Variants in JARID2 observed in about 807,000 individuals in gnomAD.
JARID2 encodes protein Jumonji.
Under a neutral mutation model 125.6 loss-of-function variants are expected in JARID2, and 21 were observed. The observed-to-expected ratio is 0.17, with a 90% CI of 0.12 to 0.24. The LOEUF is 0.24. Among genes scored for constraint, JARID2 ranks in the 10% least tolerant of loss-of-function variants. The pLI is 1.00. For missense variants in JARID2, 1,303 were observed against 1,639.6 expected (o/e 0.79, Z 3.55); for synonymous variants, 736 against 661.6 (o/e 1.11, Z -1.73).
intron 6 of JARID2, among the ~76,000 whole-genome samples, chr6:15,491,958 A>AT (rs1358208353): frequency 3.3e-5 from 5 of 152,254 alleles, no homozygotes; most frequent in African/African-American, 1.2e-4. Context: ...TGCAAGAAGA[A>AT]TGAGGTATTG....
intron 1 of JARID2, among the ~76,000 whole-genome samples, chr6:15,335,640 G>C (rs115569018): frequency 6.6e-6 from 1 of 152,112 alleles, no homozygotes; most frequent in Admixed American, 6.5e-5. Flanking sequence ...AGGTGTCCCT[G>C]GGGGGTGTCT....
chr6:15,361,411 C>T (rs1232731828), intron 1 of JARID2, among the ~76,000 whole-genome samples: 2 of 152,182 alleles, frequency 1.3e-5, no homozygotes, highest in East Asian at 1.9e-4. Context: ...TTATCTCCCC[C>T]ACTTCCTCCT....
intron 1 of JARID2, among the ~76,000 whole-genome samples, chr6:15,348,229 T>C (rs1763309015): frequency 6.6e-6 from 1 of 151,846 alleles, no homozygotes; most frequent in Non-Finnish European, 1.5e-5. Flanking sequence ...ATAGCTGGGA[T>C]TACAGCCGCC....
intron 3 of JARID2, among the ~76,000 whole-genome samples, chr6:15,416,569 T>A (rs971523026): frequency 2.6e-5 from 4 of 152,108 alleles, no homozygotes; most frequent in South Asian, 2.1e-4. Flanking sequence ...GCGCCTGCAA[T>A]GGCAGGCACT....
chr6:15,394,334 G>A (rs956470049), intron 2 of JARID2, among the ~76,000 whole-genome samples: 2 of 152,156 alleles, frequency 1.3e-5, no homozygotes, highest in Non-Finnish European at 1.5e-5. Context: ...TGAGCAAGGC[G>A]AATGCAGTGG....
chr6:15,312,821 C>G (rs1762058441), intron 1 of JARID2, among the ~76,000 whole-genome samples: 1 of 152,126 alleles, frequency 6.6e-6, no homozygotes, highest in African/African-American at 2.4e-5. Flanking sequence ...ATTAAAGCAA[C>G]CTTATCTTTC....
In JARID2 at chr6:15,496,480, A is replaced by C; in HGVS notation, c.1255A>C (p.Thr419Pro). Residue 419 changes from threonine (T) to proline (P), a missense_variant, in exon 7 of 18, where the codon ACT (threonine) becomes CCT (proline). Thr to Pro is a conservative substitution (Grantham distance 38). Around this residue, in one of 11 missense-constraint regions of JARID2, gnomAD observed 651 missense variants for 581.6 expected, o/e 1.12. Coordinates refer to ENST00000341776, the MANE Select transcript of JARID2 (RefSeq NM_004973.4). ...TGGCAGGTTGAACCCAAAGTCATGC[A>C]CTAAGGAGGTGGGGGGGCGGCAGCT... ...VSGRLNPKSC[T>P]KEVGGRQLRE... 1 of 1,611,530 alleles carries C rather than the reference A, an allele frequency of 6.2e-7. No individual in the cohort carries two copies. The highest frequency in any genetic ancestry group is 8.5e-7 in the Non-Finnish European group (1 of 1,178,686).
At chr6:15,323,896 A>G (rs1253061306) in intron 1 of JARID2, among the ~76,000 whole-genome samples, 2 of 151,784 alleles carry the variant, frequency 1.3e-5, no homozygotes, top group Non-Finnish European at 2.9e-5. Flanking sequence ...TCAAAAAATA[A>G]AAAAGGCTGG....
At chr6:15,270,481 A>G (rs112436952) in intron 1 of JARID2, among the ~76,000 whole-genome samples, 18 of 152,278 alleles carry the variant, frequency 1.2e-4, no homozygotes, top group African/African-American at 4.1e-4. Context: ...TTGGTTAGGT[A>G]GCTGCAATCC....
At chr6:15,305,895 A>G (rs957204234) in intron 1 of JARID2, among the ~76,000 whole-genome samples, 10 of 152,230 alleles carry the variant, frequency 6.6e-5, no homozygotes, top group African/African-American at 9.7e-5. Context: ...TTTGTGTTAT[A>G]TGCATTATCT....
At chr6:15,510,315 G>A (rs994626157) in intron 12 of JARID2, among the ~76,000 whole-genome samples, 1 of 152,108 alleles carries the variant, frequency 6.6e-6, no homozygotes, top group East Asian at 1.9e-4. Context: ...AGCCATCCCT[G>A]CACCCCTGCC....
intron 1 of JARID2, among the ~76,000 whole-genome samples, chr6:15,285,474 G>T (rs1404971717): frequency 7.2e-5 from 11 of 152,122 alleles, no homozygotes; most frequent in African/African-American, 2.7e-4. Flanking sequence ...TACAATATGG[G>T]AAGTCAGTTA....
intron 1 of JARID2, among the ~76,000 whole-genome samples, chr6:15,336,105 A>C (rs913401250): frequency 2.0e-5 from 3 of 151,922 alleles, no homozygotes; most frequent in African/African-American, 4.8e-5. Flanking sequence ...GAATGAATGA[A>C]TGAATGAATG....
At position 15,370,042 on chromosome 6, in the gene JARID2, G is replaced by A. The variant is rs140870494; in HGVS notation, c.46-4075G>A. 8.7e-3 allele frequency among the ~76,000 whole-genome samples: 1,317 copies of A among 152,248 alleles called. 23 individuals carry two copies. Among genetic ancestry groups the A allele is most frequent in the African/African-American group, 0.03 (1,240 of 41,524 alleles). On this transcript the variant is annotated intron_variant, in intron 1 of 17. Transcript: ENST00000341776. ...AGCAGTGTGACTTCTGGCACTGGAT[G>A]TTAGACACTGGCAGGGCGAGTAGGG...
At chr6:15,294,659 C>A (rs1761342804) in intron 1 of JARID2, among the ~76,000 whole-genome samples, 1 of 152,136 alleles carries the variant, frequency 6.6e-6, no homozygotes, top group Non-Finnish European at 1.5e-5. Flanking sequence ...TGATGCAGGA[C>A]ATGGAAGGGA....
chr6:15,265,452 G>T (rs973812330), intron 1 of JARID2, among the ~76,000 whole-genome samples: 9 of 151,972 alleles, frequency 5.9e-5, no homozygotes, highest in Non-Finnish European at 1.0e-4. Context: ...CATCCTCCCA[G>T]CCCCAAATAG....
chr6:15,411,506 C>T (rs1053944388), intron 3 of JARID2, among the ~76,000 whole-genome samples: 22 of 152,110 alleles, frequency 1.4e-4, no homozygotes, highest in African/African-American at 4.6e-4. Context: ...TCATAAGATT[C>T]GTTATTAGTA....
At chr6:15,334,500 C>A (rs1402711953) in intron 1 of JARID2, among the ~76,000 whole-genome samples, 3 of 152,064 alleles carry the variant, frequency 2.0e-5, no homozygotes, top group Non-Finnish European at 2.9e-5. Context: ...TTTCTGATCA[C>A]CCCCTCTTCA....
At chr6:15,424,595 C>T (rs111611190) in intron 3 of JARID2, among the ~76,000 whole-genome samples, 5 of 152,196 alleles carry the variant, frequency 3.3e-5, no homozygotes, top group East Asian at 1.9e-4. Context: ...TGGTGGCTCA[C>T]GCCTGTAATC....
Sources: allele counts gnomAD v4.1 joint callset (sites outside exome capture counted in the v4.1 genomes callset), GRCh38; gene constraint gnomAD v4.1.1; regional missense constraint gnomAD v4.1.1; transcripts MANE v1.5; gene names NCBI Gene and HGNC (gene_info 2026-07-23, HGNC 2026-07-21).